COLEC12: variants seen among roughly 807,000 people sequenced by gnomAD.
COLEC12 encodes collectin-12.
In COLEC12, 33 loss-of-function variants were observed where a neutral mutation model predicts 71.1. That is an observed-to-expected ratio of 0.46 (90% CI 0.35 to 0.62). COLEC12 has a LOEUF of 0.62. COLEC12 is among the 20% of genes least tolerant of loss of function. The pLI, the probability that COLEC12 is intolerant of heterozygous loss-of-function variation, is 0.00. For synonymous variants in COLEC12, 350 were observed against 353.0 expected, an observed-to-expected ratio of 0.99 and a Z score of 0.10; for missense variants, 765 against 916.1, an observed-to-expected ratio of 0.84 and a Z score of 2.13.
intron 2 of COLEC12, among the ~76,000 whole-genome samples, chr18:386,101 G>T (rs59135545): frequency 0.19 from 29,604 of 152,116 alleles, 3,065 homozygotes; most frequent in Middle Eastern, 0.29. Flanking sequence ...CCTTTTGTGG[G>T]TGGGGGAGAA....
intron 1 of COLEC12, among the ~76,000 whole-genome samples, chr18:497,009 G>GAAAT (rs992901290): frequency 2.0e-5 from 3 of 152,204 alleles, no homozygotes; most frequent in Middle Eastern, 3.2e-3. Flanking sequence ...AATGAAATTG[G>GAAAT]AAATAAATTA....
intron 1 of COLEC12, among the ~76,000 whole-genome samples, chr18:486,758 AGG>A (rs1917526149): frequency 6.6e-6 from 1 of 152,234 alleles, no homozygotes; most frequent in Non-Finnish European, 1.5e-5. Context: ...AGGCTAAAAT[AGG>A]AGGACTGTTG....
chr18:380,959 G>A (rs965642609), intron 2 of COLEC12, among the ~76,000 whole-genome samples: 1 of 152,074 alleles, frequency 6.6e-6, no homozygotes, highest in Non-Finnish European at 1.5e-5. Context: ...CCTGATGAGT[G>A]GTTCTATCTG....
At chr18:492,615 T>A (rs1434638072) in intron 1 of COLEC12, among the ~76,000 whole-genome samples, 1 of 152,142 alleles carries the variant, frequency 6.6e-6, no homozygotes, top group East Asian at 1.9e-4. Flanking sequence ...CTGCCTTAAA[T>A]TGAATAAGGG....
Position 368,864 on chromosome 18 carries a change from T to TCAAAAACAAAACAAAACAAAACA in COLEC12, c.59-11365_59-11343dup, listed in dbSNP as rs1274554236. Among the ~76,000 whole-genome samples, 3 of 152,052 alleles carry TCAAAAACAAAACAAAACAAAACA rather than the reference T, an allele frequency of 2.0e-5. No individual in the cohort carries two copies. In the East Asian group the frequency reaches 5.8e-4, roughly 29 times the overall value. ...CTGGGCAACAGAGCGAGACTCCGTC[T>TCAAAAACAAAACAAAACAAAACA]CAAAAACAAAACAAAACAAAACACA... On this transcript the variant is annotated intron_variant, in intron 2 of 9. Transcript: ENST00000400256.
intron 2 of COLEC12, among the ~76,000 whole-genome samples, chr18:365,409 A>C (rs537386991): frequency 6.6e-6 from 1 of 152,214 alleles, no homozygotes; most frequent in Non-Finnish European, 1.5e-5. Flanking sequence ...TACCTTTATA[A>C]TTTCAAAGCA....
At chr18:326,405 T>A (rs1047901875) in intron 8 of COLEC12, among the ~76,000 whole-genome samples, 4 of 152,352 alleles carry the variant, frequency 2.6e-5, no homozygotes, top group African/African-American at 9.6e-5. Context: ...TGGAGTGCTG[T>A]GGTGCGATGT....
In COLEC12 at chr18:362,761, T is replaced by C. The variant is rs1265119150; in HGVS notation, c.59-5239A>G. On this transcript the variant is annotated intron_variant, in intron 2 of 9. Coordinates refer to ENST00000400256, the MANE Select transcript of COLEC12 (RefSeq NM_130386.3). The surrounding 1 kb of genome is among the most constrained non-coding windows in gnomAD (Gnocchi z 4.6). The stretch of plus-strand genomic sequence containing the variant: ...CAGAGGCCTACAGGCAGCAAGGACC[T>C]GAAGGGTGCATGCCTTTCCGCTGCT... Among the ~76,000 whole-genome samples, 1 of 152,202 alleles carries C rather than the reference T, an allele frequency of 6.6e-6. No homozygotes were observed. The highest frequency in any genetic ancestry group is 6.5e-5 in the Admixed American group (1 of 15,278).
chr18:389,724 C>T (rs1915422391), intron 2 of COLEC12, among the ~76,000 whole-genome samples: 1 of 152,164 alleles, frequency 6.6e-6, no homozygotes, highest in African/African-American at 2.4e-5. Context: ...GGACTTTCTC[C>T]ACTAATTCAG....
chr18:424,339 TA>T (rs1916156876), intron 2 of COLEC12: 1 of 152,184 alleles, frequency 6.6e-6, no homozygotes, highest in Admixed American at 6.5e-5. Flanking sequence ...GTATATAATT[TA>T]GAAAGGGGGA....
chr18:385,483 C>A (rs1344771495), intron 2 of COLEC12, among the ~76,000 whole-genome samples: 1 of 151,980 alleles, frequency 6.6e-6, no homozygotes, highest in Non-Finnish European at 1.5e-5. Context: ...CACCACCACA[C>A]CAAGCTAATT....
At chr18:413,763 A>C (rs1915936747) in intron 2 of COLEC12, among the ~76,000 whole-genome samples, 1 of 152,226 alleles carries the variant, frequency 6.6e-6, no homozygotes, top group African/African-American at 2.4e-5. Flanking sequence ...GTGAATAGCT[A>C]AATAAACTAT....
chr18:390,406 A>G (rs569571184), intron 2 of COLEC12, among the ~76,000 whole-genome samples: 1 of 152,324 alleles, frequency 6.6e-6, no homozygotes, highest in African/African-American at 2.4e-5. Flanking sequence ...ATGTTCCATT[A>G]AACCAGTTCA....
chr18:464,935 G>C (rs148260772), intron 2 of COLEC12, among the ~76,000 whole-genome samples: 27 of 152,322 alleles, frequency 1.8e-4, no homozygotes, highest in Non-Finnish European at 3.4e-4. Context: ...ACACTCTTGG[G>C]CTCTCCAAAG....
intron 2 of COLEC12, among the ~76,000 whole-genome samples, chr18:413,957 T>C (rs192430186): frequency 1.6e-4 from 24 of 152,270 alleles, no homozygotes; most frequent in Admixed American, 1.4e-3. Flanking sequence ...GACAAAACTA[T>C]AGAAATGGAG....
At chr18:456,673 C>A (rs1057399943) in intron 2 of COLEC12, among the ~76,000 whole-genome samples, 1 of 152,208 alleles carries the variant, frequency 6.6e-6, no homozygotes, top group Non-Finnish European at 1.5e-5. Context: ...TGAGAATAAA[C>A]GATGTAACCT....
In COLEC12 at chr18:350,298, T is replaced by G. The variant is rs571993020; in HGVS notation, c.182-2135A>C. Among the ~76,000 whole-genome samples, 123 of 152,310 alleles carry G rather than the reference T, an allele frequency of 8.1e-4. 1 individual carries two copies. Among genetic ancestry groups the G allele is most frequent in the Middle Eastern group, 6.8e-3 (2 of 294 alleles). On this transcript the variant is annotated intron_variant, in intron 3 of 9. Coordinates refer to ENST00000400256, the MANE Select transcript of COLEC12 (RefSeq NM_130386.3). ...TTTCATCTTTCTCACTTTCTCTTGC[T>G]GCTGCCGTGTAAGAAGTGCCTTTTG...
intron 1 of COLEC12, among the ~76,000 whole-genome samples, chr18:484,181 T>C (rs1411474319): frequency 6.6e-6 from 1 of 152,250 alleles, no homozygotes; most frequent in Non-Finnish European, 1.5e-5. Context: ...CTTTTTCCCA[T>C]GCAGCATTTA....
At chr18:321,518 A>G in intron 9 of COLEC12, 144 bp downstream of exon 9, 2 of 804,254 alleles carry the variant, frequency 2.5e-6, no homozygotes, top group Non-Finnish European at 4.0e-6. Flanking sequence ...CCTGAGGTTA[A>G]TCACCTGCCC....
Sources: gnomAD v4.1 joint callset for allele counts (sites outside exome capture counted in the v4.1 genomes callset) on GRCh38, gnomAD v4.1.1 for gene constraint, Gnocchi (gnomAD v3.1) non-coding constraint, MANE v1.5 for transcripts, NCBI Gene and HGNC (gene_info 2026-07-23, HGNC 2026-07-21) for gene names.